NEURL1: variants seen among roughly 807,000 people sequenced by gnomAD.
The protein encoded by NEURL1 is E3 ubiquitin-protein ligase NEURL1.
Under a neutral mutation model 41.2 loss-of-function variants are expected in NEURL1, and 26 were observed. That is an observed-to-expected ratio of 0.63 (90% CI 0.46 to 0.87). The LOEUF (loss-of-function observed/expected upper bound fraction) is 0.87. Among genes scored for constraint, NEURL1 ranks in the 40% least tolerant of loss-of-function variants. The probability of loss-of-function intolerance (pLI) is 0.00; values close to 1 mark genes in which losing one functional copy is unlikely to be tolerated. For synonymous variants in NEURL1, 400 were observed against 402.3 expected, an observed-to-expected ratio of 0.99 and a Z score of 0.07; for missense variants, 761 against 871.1, an observed-to-expected ratio of 0.87 and a Z score of 1.59.
Position 103,558,259 on chromosome 10 carries a change from G to A in NEURL1, c.86-12613G>A. 2.0e-6 allele frequency: 2 copies of A among 985,332 alleles called. No homozygotes were observed. Among genetic ancestry groups the A allele is most frequent in the Non-Finnish European group, 2.4e-6 (2 of 829,894 alleles). The allele number at this position is 985,332 out of a possible 1,614,324, so 61.0% of individuals were successfully genotyped here. A position where few individuals can be genotyped will look rare whatever the true frequency, so the allele number is the denominator to read the frequency against. Reference sequence around the variant, plus strand: ...GATTGCTGCGTTAAAGTGAGTGAGGGGAGGGTGACAGGAGGACCCAGGACT... The same window carrying A: ...GATTGCTGCGTTAAAGTGAGTGAGGAGAGGGTGACAGGAGGACCCAGGACT... On this transcript the variant is annotated intron_variant, in intron 1 of 5. Coordinates refer to ENST00000369780, the MANE Select transcript of NEURL1 (RefSeq NM_004210.5). The surrounding 1 kb of genome is among the most constrained non-coding windows in gnomAD (Gnocchi z 4.2).
intron 1 of NEURL1, among the ~76,000 whole-genome samples, chr10:103,546,888 G>T (rs2034934821): frequency 6.6e-6 from 1 of 152,208 alleles, no homozygotes; most frequent in East Asian, 1.9e-4. Context: ...AGATAGAACA[G>T]CTCTGGGCAG....
intron 1 of NEURL1, among the ~76,000 whole-genome samples, chr10:103,549,934 T>C (rs1370684113): frequency 6.6e-6 from 1 of 152,232 alleles, no homozygotes; most frequent in Non-Finnish European, 1.5e-5. Context: ...TTGGGCCTTC[T>C]TTGCTACACC....
At position 103,500,014 on chromosome 10, in the gene NEURL1, G is replaced by T. The variant is rs184156552; in HGVS notation, c.85+5542G>T. 9.0e-4 allele frequency among the ~76,000 whole-genome samples: 137 copies of T among 152,134 alleles called. 1 individual carries two copies. Among genetic ancestry groups the T allele is most frequent in the Admixed American group, 8.8e-3 (135 of 15,300 alleles). On this transcript the variant is annotated intron_variant, in intron 1 of 5. Transcript: ENST00000369780. Reference sequence around the variant, plus strand: ...AGCTCTTGTCTGGGCTCCTTCCTTGGTTGTCATGACGCTTGCAGATTAGGT... The same window carrying T: ...AGCTCTTGTCTGGGCTCCTTCCTTGTTTGTCATGACGCTTGCAGATTAGGT...
chr10:103,494,028 C>T lies in NEURL1; in HGVS notation c.-360C>T. On this transcript the variant is annotated 5_prime_UTR_variant, in exon 1 of 6. Transcript: ENST00000369780. The stretch of plus-strand genomic sequence containing the variant: ...ACTCTATGGCCCCGGGGGAGCGCGC[C>T]GGAGCCGCCGCGCCGCCCACCCCCA... 1 of 196,258 alleles carries T rather than the reference C, an allele frequency of 5.1e-6. No homozygotes were observed. 12.2% of individuals were successfully genotyped at this position (196,258 alleles called of 1,614,324 possible). A position where few individuals can be genotyped will look rare whatever the true frequency, so the allele number is the denominator to read the frequency against.
chr10:103,523,975 T>TA (rs2034410368), intron 1 of NEURL1, among the ~76,000 whole-genome samples: 1 of 152,178 alleles, frequency 6.6e-6, no homozygotes, highest in African/African-American at 2.4e-5. Flanking sequence ...GATTGCTGGG[T>TA]CATATGGCAG....
intron 1 of NEURL1, among the ~76,000 whole-genome samples, chr10:103,549,477 C>T (rs2133867057): frequency 6.6e-6 from 1 of 152,362 alleles, no homozygotes; most frequent in Non-Finnish European, 1.5e-5. Context: ...GCAGCCTCCA[C>T]TCTTGTCCTG....
At chr10:103,586,247 C>G (rs897437097) in intron 4 of NEURL1, among the ~76,000 whole-genome samples, 5 of 152,252 alleles carry the variant, frequency 3.3e-5, no homozygotes, top group Admixed American at 2.0e-4. Context: ...GACCGGAAAT[C>G]TTTTCACAAA....
chr10:103,567,259 C>T (rs2133875663), intron 1 of NEURL1, among the ~76,000 whole-genome samples: 1 of 152,274 alleles, frequency 6.6e-6, no homozygotes, highest in South Asian at 2.1e-4. Context: ...GCTGAGATTA[C>T]AGGTGTGAGC....
chr10:103,494,754 A>G, intron 1 of NEURL1: 3 of 424,552 alleles, frequency 7.1e-6, no homozygotes, highest in Non-Finnish European at 1.2e-5. Context: ...ATGGGAAAGG[A>G]TGTTTGCCAG....
intron 1 of NEURL1, among the ~76,000 whole-genome samples, chr10:103,533,375 CTT>C (rs1056104792): frequency 7.1e-6 from 1 of 140,784 alleles, no homozygotes. Flanking sequence ...TTTTTCTTTT[CTT>C]TTTTTTTTTG....
Position 103,494,293 on chromosome 10 carries a change from C to A in NEURL1, c.-95C>A. ...CCCCAGCAGGGCCCTCCCCCGGTGG[C>A]GCGCACCCGCGCGCGCACACTCGCA... is the stretch of plus-strand genomic sequence containing the variant. On this transcript the variant is annotated 5_prime_UTR_variant, in exon 1 of 6. Coordinates refer to ENST00000369780, the MANE Select transcript of NEURL1 (RefSeq NM_004210.5). 9.7e-7 allele frequency: 1 copy of A among 1,029,046 alleles called. No individual in the cohort carries two copies. The highest frequency in any genetic ancestry group is 1.6e-5 in the South Asian group (1 of 60,648). The allele number at this position is 1,029,046 out of a possible 1,614,324, so 63.7% of individuals were successfully genotyped here.
intron 1 of NEURL1, among the ~76,000 whole-genome samples, chr10:103,535,343 CA>C (rs2034669089): frequency 6.6e-6 from 1 of 152,144 alleles, no homozygotes; most frequent in Non-Finnish European, 1.5e-5. Flanking sequence ...CAGGATGTCT[CA>C]GTTCATTCAC....
intron 3 of NEURL1, among the ~76,000 whole-genome samples, chr10:103,583,082 C>T (rs1174284871): frequency 2.0e-5 from 3 of 152,044 alleles, no homozygotes; most frequent in African/African-American, 7.3e-5. Flanking sequence ...TTATAGGACT[C>T]CATAAAGCAG....
intron 1 of NEURL1, among the ~76,000 whole-genome samples, chr10:103,524,312 G>A (rs2034417760): frequency 6.6e-6 from 1 of 152,022 alleles, no homozygotes; most frequent in South Asian, 2.1e-4. Flanking sequence ...TTGCTGTTGA[G>A]TTGTTTGAGT....
intron 1 of NEURL1, among the ~76,000 whole-genome samples, chr10:103,547,913 T>C (rs1046337366): frequency 1.3e-5 from 2 of 152,076 alleles, no homozygotes; most frequent in Non-Finnish European, 2.9e-5. Context: ...TCCTGTCTCC[T>C]GCGACACCCT....
intron 1 of NEURL1, among the ~76,000 whole-genome samples, chr10:103,526,516 C>T (rs2133857273): frequency 6.6e-6 from 1 of 151,704 alleles, no homozygotes; most frequent in South Asian, 2.1e-4. Flanking sequence ...CTTTTCTTTT[C>T]TTTTCTTTTT....
intron 1 of NEURL1, among the ~76,000 whole-genome samples, chr10:103,561,262 C>CTTTT (rs767348574): frequency 1.4e-5 from 2 of 141,746 alleles, no homozygotes. Flanking sequence ...CTCTGTATTC[C>CTTTT]TTTTTTTTTT....
chr10:103,553,750 G>A (rs2035084690), intron 1 of NEURL1, among the ~76,000 whole-genome samples: 1 of 152,102 alleles, frequency 6.6e-6, no homozygotes, highest in South Asian at 2.1e-4. Context: ...CTTTCCCGTG[G>A]CCCCTTCCTC....
chr10:103,586,176 T>A (rs1452926949), intron 4 of NEURL1, among the ~76,000 whole-genome samples: 1 of 152,160 alleles, frequency 6.6e-6, no homozygotes, highest in African/African-American at 2.4e-5. Flanking sequence ...GCCTTTAATA[T>A]GCACTTTGAT....
Sources: allele counts gnomAD v4.1 joint callset (sites outside exome capture counted in the v4.1 genomes callset), GRCh38; gene constraint gnomAD v4.1.1; non-coding constraint Gnocchi (gnomAD v3.1); transcripts MANE v1.5; gene names NCBI Gene and HGNC (gene_info 2026-07-23, HGNC 2026-07-21).